Variants in NSG2 observed in about 807,000 individuals in gnomAD.
The protein encoded by NSG2 is neuronal vesicle trafficking-associated protein 2.
NSG2 carries 4 observed loss-of-function variants against 16.9 expected under a neutral mutation model. The ratio of observed to expected loss-of-function variants is 0.24; its 90% CI spans 0.12 to 0.54. The LOEUF is 0.54. Among genes scored for constraint, NSG2 ranks in the 20% least tolerant of loss-of-function variants. The probability of loss-of-function intolerance (pLI) is 0.95; values close to 1 mark genes in which losing one functional copy is unlikely to be tolerated. For synonymous variants in NSG2, 98 were observed against 88.7 expected, an observed-to-expected ratio of 1.11 and a Z score of -0.59; for missense variants, 179 against 221.1, an observed-to-expected ratio of 0.81 and a Z score of 1.21.
At chr5:174,098,400 C>A (rs930618512) in intron 3 of NSG2, among the ~76,000 whole-genome samples, 6 of 151,832 alleles carry the variant, frequency 4.0e-5, no homozygotes, top group Admixed American at 3.3e-4. Context: ...CCCTAGGGGG[C>A]TGGACCCTGC....
chr5:174,077,375 T>C (rs1191752381), intron 3 of NSG2, among the ~76,000 whole-genome samples: 2 of 152,120 alleles, frequency 1.3e-5, no homozygotes, highest in Non-Finnish European at 2.9e-5. Flanking sequence ...CTGGGGCTTC[T>C]CTTGATCATT....
intron 3 of NSG2, among the ~76,000 whole-genome samples, chr5:174,075,483 T>C (rs1760323339): frequency 6.6e-6 from 1 of 152,244 alleles, no homozygotes; most frequent in Non-Finnish European, 1.5e-5. Context: ...TCCCTGTTAT[T>C]TGCCGAGTGT....
At chr5:174,066,989 C>CAAAAAAAAA (rs543368373) in intron 3 of NSG2, among the ~76,000 whole-genome samples, 2 of 27,942 alleles carry the variant, frequency 7.2e-5, no homozygotes, top group African/African-American at 9.8e-5. Flanking sequence ...GACTCTGTCT[C>CAAAAAAAAA]AAAAAAAAAA....
intron 2 of NSG2, among the ~76,000 whole-genome samples, chr5:174,053,550 G>A (rs1003935117): frequency 1.5e-4 from 23 of 152,032 alleles, no homozygotes; most frequent in African/African-American, 5.6e-4. Flanking sequence ...AGAAACATAG[G>A]CTTTCCCCAG....
At chr5:174,099,946 G>A (rs1294555960) in intron 3 of NSG2, among the ~76,000 whole-genome samples, 11 of 152,146 alleles carry the variant, frequency 7.2e-5, no homozygotes, top group Admixed American at 7.2e-4. Context: ...AGACTGTGAG[G>A]TCTCAAGAAA....
At chr5:174,060,148 A>G (rs1760026110) in intron 2 of NSG2, among the ~76,000 whole-genome samples, 1 of 152,202 alleles carries the variant, frequency 6.6e-6, no homozygotes, top group Non-Finnish European at 1.5e-5. Flanking sequence ...AATATTTATT[A>G]TTATGAGAAT....
At position 174,108,926 on chromosome 5, in the gene NSG2, A is replaced by G. The variant is rs767011615; in HGVS notation, c.*1421A>G. The G allele has an allele frequency of 1.3e-5, 2 of 152,910 alleles. No homozygotes were observed. Among genetic ancestry groups the G allele is most frequent in the Non-Finnish European group, 2.9e-5 (2 of 68,054 alleles). 9.5% of individuals were successfully genotyped at this position (152,910 alleles called of 1,614,324 possible). A position where few individuals can be genotyped will look rare whatever the true frequency, so the allele number is the denominator to read the frequency against. On this transcript the variant is annotated 3_prime_UTR_variant, in exon 5 of 5. Transcript: ENST00000303177. ...GCAACAGCTGGGTAATAAGACTAGC[A>G]TAGCTCAAACTATCCTGCCAAACGC...
At chr5:174,059,258 T>C (rs1760012460) in intron 2 of NSG2, among the ~76,000 whole-genome samples, 1 of 152,240 alleles carries the variant, frequency 6.6e-6, no homozygotes, top group African/African-American at 2.4e-5. Flanking sequence ...GTAATGTCTA[T>C]GAAATTCATC....
chr5:174,105,397 C>A (rs1760961764), intron 4 of NSG2, among the ~76,000 whole-genome samples: 1 of 152,204 alleles, frequency 6.6e-6, no homozygotes, highest in Non-Finnish European at 1.5e-5. Flanking sequence ...TTATTTCCTC[C>A]ATTATATACT....
chr5:174,064,303 C>T lies in NSG2; in HGVS notation c.201C>T (p.Ile67=), dbSNP rs770102568. 7 of 1,610,194 alleles carry T rather than the reference C, an allele frequency of 4.3e-6. No individual in the cohort carries two copies. In the East Asian group the frequency reaches 6.7e-5, roughly 15 times the overall value. ...KNKGKFRVPK[I]AEFTVTILVS... ...AAGGGAAGTTCCGGGTGCCGAAAAT[C>T]GCTGAATTTACGGTCAGTTTCTTGA... The change falls in exon 3 of 5, where the codon ATC becomes ATT. Residue 67 remains isoleucine, a synonymous_variant. Coordinates refer to ENST00000303177, the MANE Select transcript of NSG2 (RefSeq NM_015980.5).
intron 3 of NSG2, among the ~76,000 whole-genome samples, chr5:174,096,843 G>A (rs1388145531): frequency 2.6e-5 from 4 of 152,066 alleles, no homozygotes; most frequent in African/African-American, 9.7e-5. Flanking sequence ...CCCCAGATGC[G>A]GTGGGCAGCG....
intron 3 of NSG2, among the ~76,000 whole-genome samples, chr5:174,093,170 C>T (rs1760746208): frequency 6.6e-6 from 1 of 152,174 alleles, no homozygotes; most frequent in Non-Finnish European, 1.5e-5. Flanking sequence ...TCTGATACAA[C>T]ATTGTACAAT....
Position 174,107,406 on chromosome 5 carries a change from C to T in NSG2, c.417C>T (p.Tyr139=), listed in dbSNP as rs760640823. 5.0e-6 allele frequency: 8 copies of T among 1,612,414 alleles called. No homozygotes were observed. The highest frequency in any genetic ancestry group is 3.3e-5 in the Admixed American group (2 of 59,960). ...RSRFYTVISH[Y]SVAKQSTARA... is the part of the protein sequence containing the mutation. The stretch of plus-strand genomic sequence containing the variant: ...GCTTCTACACAGTCATCAGCCACTA[C>T]AGCGTGGCCAAGCAGAGCACTGCCC... Residue 139 remains tyrosine (Y), a synonymous_variant, in exon 5 of 5, where the codon TAC becomes TAT. Transcript: ENST00000303177. This position sits in a 1 kb window ranked among gnomAD's most constrained non-coding sequence, Gnocchi z 4.5.
intron 3 of NSG2, among the ~76,000 whole-genome samples, chr5:174,098,438 T>TCTC (rs34714498): frequency 0.34 from 51,596 of 151,830 alleles, 12,007 homozygotes; most frequent in African/African-American, 0.66. Context: ...CTCAGCGTTC[T>TCTC]CTCCTTGTCC....
At chr5:174,047,744 A>AG (rs1482208752) in intron 2 of NSG2, among the ~76,000 whole-genome samples, 1 of 152,192 alleles carries the variant, frequency 6.6e-6, no homozygotes, top group Non-Finnish European at 1.5e-5. Context: ...ATTCACACAA[A>AG]GGTGGGATGG....
At chr5:174,056,970 T>C (rs1221047549) in intron 2 of NSG2, among the ~76,000 whole-genome samples, 1 of 152,250 alleles carries the variant, frequency 6.6e-6, no homozygotes, top group East Asian at 1.9e-4. Context: ...ATGAATAATT[T>C]ATCCCATTTT....
chr5:174,079,099 C>T (rs1197252643), intron 3 of NSG2, among the ~76,000 whole-genome samples: 2 of 152,146 alleles, frequency 1.3e-5, no homozygotes, highest in Non-Finnish European at 2.9e-5. Flanking sequence ...CAAATATGTT[C>T]CACCAGTCTA....
intron 2 of NSG2, 33 bp from the exon 3 acceptor site, chr5:174,064,199 C>T: frequency 1.4e-6 from 2 of 1,440,374 alleles, no homozygotes; most frequent in Admixed American, 1.9e-5. Context: ...TTCAAGTCTC[C>T]ATGCATGCTA....
chr5:174,074,636 G>T (rs1760305394), intron 3 of NSG2, among the ~76,000 whole-genome samples: 1 of 152,052 alleles, frequency 6.6e-6, no homozygotes, highest in South Asian at 2.1e-4. Context: ...GATGTCCTTA[G>T]TACGGCACTG....
Sources: gnomAD v4.1 joint callset for allele counts (sites outside exome capture counted in the v4.1 genomes callset) on GRCh38, gnomAD v4.1.1 for gene constraint, Gnocchi (gnomAD v3.1) non-coding constraint, MANE v1.5 for transcripts, NCBI Gene and HGNC (gene_info 2026-07-23, HGNC 2026-07-21) for gene names.